ANKRD17: variants seen among roughly 807,000 people sequenced by gnomAD.
The protein encoded by ANKRD17 is ankyrin repeat domain-containing protein 17.
ANKRD17 carries 19 observed loss-of-function variants against 229.7 expected under a neutral mutation model. The ratio of observed to expected loss-of-function variants is 0.08; its 90% CI spans 0.06 to 0.12. The LOEUF (loss-of-function observed/expected upper bound fraction) is 0.12, where lower values mean the gene tolerates loss of function less well. Ranked by LOEUF, ANKRD17 falls within the 10% of genes least tolerant of loss-of-function variation. The pLI is 1.00. For synonymous variants in ANKRD17, 1,112 were observed against 1,146.1 expected, an observed-to-expected ratio of 0.97 and a Z score of 0.60; for missense variants, 2,176 against 3,176.8, an observed-to-expected ratio of 0.68 and a Z score of 7.57.
At chr4:73,130,003 G>T (rs1029992763) in intron 16 of ANKRD17, among the ~76,000 whole-genome samples, 1 of 151,916 alleles carries the variant, frequency 6.6e-6, no homozygotes, top group African/African-American at 2.4e-5. Context: ...CTGACCTCAT[G>T]ATCCTCCCAC....
intron 1 of ANKRD17, among the ~76,000 whole-genome samples, chr4:73,182,555 A>G (rs561052881): frequency 6.6e-6 from 1 of 152,318 alleles, no homozygotes; most frequent in African/African-American, 2.4e-5. Context: ...TTTTACATTT[A>G]GGGATCAGGC....
chr4:73,109,982 T>C (rs1189120532), intron 24 of ANKRD17, among the ~76,000 whole-genome samples: 1 of 86,456 alleles, frequency 1.2e-5, no homozygotes, highest in African/African-American at 4.5e-5. Flanking sequence ...TTGAAAAATA[T>C]ACTATTACCT....
At chr4:73,098,014 C>T in intron 26 of ANKRD17, 59 bp downstream of exon 26, 11 of 1,454,458 alleles carry the variant, frequency 7.6e-6, no homozygotes, top group Non-Finnish European at 1.0e-5. Flanking sequence ...CCAACAAATT[C>T]AGTAATAAGG....
chr4:73,167,002 T>C (rs1271449396), intron 2 of ANKRD17, among the ~76,000 whole-genome samples: 2 of 152,146 alleles, frequency 1.3e-5, no homozygotes, highest in South Asian at 2.1e-4. Context: ...AAATCTGAAA[T>C]AGTATTATGG....
In ANKRD17 at chr4:73,146,787, A is replaced by G; in HGVS notation, c.1846T>C (p.Leu616=). The G allele has an allele frequency of 6.2e-7, 1 of 1,610,328 alleles. No individual in the cohort carries two copies. The highest frequency in any genetic ancestry group is 8.5e-7 in the Non-Finnish European group (1 of 1,177,680). The change falls in exon 10 of 34, where the codon TTA becomes CTA. Residue 616 remains leucine (L), a synonymous_variant. Coordinates refer to ENST00000358602, the MANE Select transcript of ANKRD17 (RefSeq NM_032217.5). The part of the protein sequence containing the change: ...ENGHTDVADV[L]LQAGADLEHE... Reference sequence around the variant, plus strand: ...ACCAGATCTGCGCCTGCCTGAAGTAAGACATCTGCTACATCAGTATGACCA... The same window carrying G: ...ACCAGATCTGCGCCTGCCTGAAGTAGGACATCTGCTACATCAGTATGACCA...
chr4:73,089,876 C>T (rs1722614254), intron 29 of ANKRD17, among the ~76,000 whole-genome samples: 1 of 151,704 alleles, frequency 6.6e-6, no homozygotes, highest in Non-Finnish European at 1.5e-5. Context: ...ATATGGGTAG[C>T]CTAAGAAGCT....
rs200130127 is a variant in ANKRD17 at position 73,115,776 on chromosome 4, T to C, written c.4284+45A>G. ...AGGAATTCTTAGAATGGAAGATATA[T>C]TAACCGAATAGAGTCCCTTGCTCAT... On this transcript the variant is annotated intron_variant, in intron 23 of 33. Coordinates refer to ENST00000358602, the MANE Select transcript of ANKRD17 (RefSeq NM_032217.5). 29 of 1,440,540 alleles carry C rather than the reference T, an allele frequency of 2.0e-5. No homozygotes were observed. The East Asian group carries it at 6.2e-4, about 31-fold the overall frequency. The allele number at this position is 1,440,540 out of a possible 1,614,324, so 89.2% of individuals were successfully genotyped here. A position where few individuals can be genotyped will look rare whatever the true frequency, so the allele number is the denominator to read the frequency against.
At chr4:73,103,667 T>C (rs1044429380) in intron 24 of ANKRD17, among the ~76,000 whole-genome samples, 2 of 152,338 alleles carry the variant, frequency 1.3e-5, no homozygotes, top group South Asian at 4.1e-4. Context: ...GTCAAAACAA[T>C]GTCAGTTAAG....
At chr4:73,149,329 G>A (rs1287426777) in intron 7 of ANKRD17, among the ~76,000 whole-genome samples, 2 of 152,106 alleles carry the variant, frequency 1.3e-5, no homozygotes, top group African/African-American at 2.4e-5. Flanking sequence ...CAGTAAGTAT[G>A]TGAAATAAGA....
intron 16 of ANKRD17, among the ~76,000 whole-genome samples, chr4:73,129,065 T>C (rs746188860): frequency 1.3e-5 from 2 of 152,188 alleles, no homozygotes; most frequent in Non-Finnish European, 2.9e-5. Context: ...AGAAGTTATA[T>C]TCCTTGTCAC....
chr4:73,118,904 T>G (rs1726342307), intron 21 of ANKRD17, 54 bp from the exon 22 acceptor site: 6 of 1,404,474 alleles, frequency 4.3e-6, no homozygotes, highest in East Asian at 2.4e-5. Flanking sequence ...TTTTTTTTTT[T>G]GATACAGGGT....
intron 1 of ANKRD17, among the ~76,000 whole-genome samples, chr4:73,233,173 G>A (rs1224717924): frequency 6.6e-6 from 1 of 152,040 alleles, no homozygotes; most frequent in Non-Finnish European, 1.5e-5. Flanking sequence ...TAGACTTCTA[G>A]CACAGTTACC....
chr4:73,122,468 C>A (rs190454827), intron 18 of ANKRD17, among the ~76,000 whole-genome samples: 1 of 152,166 alleles, frequency 6.6e-6, no homozygotes, highest in Admixed American at 6.5e-5. Context: ...TTTCCTGAAA[C>A]CTAAAAATAT....
intron 3 of ANKRD17, among the ~76,000 whole-genome samples, chr4:73,160,863 T>A (rs896700664): frequency 2.0e-5 from 3 of 152,130 alleles, no homozygotes; most frequent in Non-Finnish European, 4.4e-5. Context: ...AATACATTTT[T>A]AAAAAAAATC....
At chr4:73,147,091 A>G (rs1372266331) in intron 9 of ANKRD17, 150 bp downstream of exon 9, 2 of 839,302 alleles carry the variant, frequency 2.4e-6, no homozygotes, top group Non-Finnish European at 3.6e-6. Flanking sequence ...GCAGTAAGGT[A>G]AACTGTTCAG....
intron 10 of ANKRD17, among the ~76,000 whole-genome samples, chr4:73,145,422 C>A (rs1050147476): frequency 1.3e-5 from 2 of 152,096 alleles, no homozygotes; most frequent in Admixed American, 1.3e-4. Flanking sequence ...AGGATGGAGA[C>A]TCTACTGCAT....
At chr4:73,153,157 C>T (rs1266933125) in intron 6 of ANKRD17, among the ~76,000 whole-genome samples, 4 of 151,992 alleles carry the variant, frequency 2.6e-5, no homozygotes, top group Non-Finnish European at 4.4e-5. Flanking sequence ...ATGAGTGCCT[C>T]CTTAAATTTT....
intron 16 of ANKRD17, among the ~76,000 whole-genome samples, chr4:73,131,041 T>C (rs1728132114): frequency 3.3e-5 from 5 of 152,154 alleles, no homozygotes; most frequent in Admixed American, 1.3e-4. Flanking sequence ...GTCAGAGCAA[T>C]GCTATCAAAA....
At chr4:73,156,277 G>T in intron 3 of ANKRD17, 111 bp from the exon 4 acceptor site, 2 of 1,319,760 alleles carry the variant, frequency 1.5e-6, no homozygotes, top group African/African-American at 1.5e-5. Context: ...ACGGAGTCTT[G>T]CTCTGTCACC....
Sources: gnomAD v4.1 joint callset for allele counts (sites outside exome capture counted in the v4.1 genomes callset) on GRCh38, gnomAD v4.1.1 for gene constraint, MANE v1.5 for transcripts, NCBI Gene and HGNC (gene_info 2026-07-23, HGNC 2026-07-21) for gene names.